KMT2C: variants seen among roughly 807,000 people sequenced by gnomAD.
The protein encoded by KMT2C is histone-lysine N-methyltransferase 2C.
Under a neutral mutation model 507.9 loss-of-function variants are expected in KMT2C, and 88 were observed. That is an observed-to-expected ratio of 0.17 (90% CI 0.15 to 0.21). The LOEUF (loss-of-function observed/expected upper bound fraction) is 0.21, where lower values mean the gene tolerates loss of function less well. Among genes scored for constraint, KMT2C ranks in the 10% least tolerant of loss-of-function variants. The pLI, the probability that KMT2C is intolerant of heterozygous loss-of-function variation, is 1.00. For missense variants in KMT2C, 4,954 were observed against 5,957.8 expected, an observed-to-expected ratio of 0.83 and a Z score of 5.55; for synonymous variants, 2,049 against 2,080.8, an observed-to-expected ratio of 0.98 and a Z score of 0.42.
intron 31 of KMT2C, among the ~76,000 whole-genome samples, chr7:152,193,280 T>G (rs2093860499): frequency 6.6e-6 from 1 of 152,116 alleles, no homozygotes; most frequent in Non-Finnish European, 1.5e-5. Context: ...CCCTATCTAC[T>G]CATACAGACC....
At chr7:152,423,850 AAAAT>A (rs760949672) in intron 1 of KMT2C, among the ~76,000 whole-genome samples, 6 of 152,290 alleles carry the variant, frequency 3.9e-5, no homozygotes, top group East Asian at 1.9e-4. Flanking sequence ...CAAGTCAACA[AAAAT>A]AAATAAATAA....
chr7:152,193,202 A>G (rs1465374043), intron 31 of KMT2C, among the ~76,000 whole-genome samples: 1 of 152,096 alleles, frequency 6.6e-6, no homozygotes. Flanking sequence ...ATATAGATAG[A>G]GTTATATACA....
chr7:152,333,950 ATC>A (rs2096908153), intron 2 of KMT2C, among the ~76,000 whole-genome samples: 1 of 152,242 alleles, frequency 6.6e-6, no homozygotes, highest in Non-Finnish European at 1.5e-5. Flanking sequence ...AGTATCTAGA[ATC>A]AAATCTACAA....
In KMT2C at chr7:152,181,612, T is replaced by A; in HGVS notation, c.6248A>T (p.Asp2083Val). The change falls in exon 36 of 59, where the codon GAT (aspartate) becomes GTT (valine). Residue 2083 changes from aspartate (D) to valine (V), a missense_variant. This residue lies in a region of KMT2C where 1,689 missense variants were observed against 1,654.3 expected (regional missense o/e 1.02). Transcript: ENST00000262189. ...ERPALTPRPI[D>V]NFSHNQSNDP... is the part of the protein sequence containing the mutation. ...ATTTGACTGATTATGAGAAAAATTA[T>A]CTATAGGTCTTGGTGTCAAAGCAGG... 1 of 1,614,044 alleles carries A rather than the reference T, an allele frequency of 6.2e-7. No homozygotes were observed. The highest frequency in any genetic ancestry group is 1.1e-5 in the South Asian group (1 of 91,066).
intron 55 of KMT2C, among the ~76,000 whole-genome samples, chr7:152,142,832 TATAAC>T (rs1383210277): frequency 5.3e-5 from 8 of 152,194 alleles, no homozygotes; most frequent in Non-Finnish European, 8.8e-5. Context: ...GAAAAATAAA[TATAAC>T]ATGATTCCAT....
Position 152,407,919 on chromosome 7 carries a change from TAC to T in KMT2C, c.161+27705_161+27706del, listed in dbSNP as rs541863420. 3.3e-5 allele frequency among the ~76,000 whole-genome samples: 5 copies of T among 152,400 alleles called. No homozygotes were observed. In the South Asian group the frequency reaches 1.0e-3, roughly 32 times the overall value. ...ACATTTAAAATTTATCTTGTTAGAA[TAC>T]ACTGTTTCCAAATCAACAGTCCTTA... On this transcript the variant is annotated intron_variant, in intron 1 of 58. Coordinates refer to ENST00000262189, the MANE Select transcript of KMT2C (RefSeq NM_170606.3).
Position 152,252,700 on chromosome 7 carries a change from T to C in KMT2C, c.1315A>G (p.Ile439Val). The C allele has an allele frequency of 1.2e-6, 2 of 1,601,206 alleles. No individual in the cohort carries two copies. The highest frequency in any genetic ancestry group is 2.2e-5 in the East Asian group (1 of 44,582). Reference protein sequence around the residue: ...GWKCKNCRICIECGTRSSSQW... With the variant: ...GWKCKNCRICVECGTRSSSQW... Reference sequence around the variant, plus strand: ...GAACTAGACCGTGTGCCACACTCTATACATATTCTGCAATTCTAAACACCA... The same window carrying C: ...GAACTAGACCGTGTGCCACACTCTACACATATTCTGCAATTCTAAACACCA... The change falls in exon 10 of 59, where the codon ATA becomes GTA. Residue 439 changes from isoleucine (I) to valine (V), a missense_variant. By Grantham distance (29) the Ile-to-Val change is conservative. Around this residue, in one of 29 missense-constraint regions of KMT2C, gnomAD observed 376 missense variants for 352.4 expected, o/e 1.07. Transcript: ENST00000262189.
chr7:152,428,458 C>CAAAAAAAAAAAAAAAAAAA (rs140697569), intron 1 of KMT2C, among the ~76,000 whole-genome samples: 3 of 73,516 alleles, frequency 4.1e-5, no homozygotes, highest in Non-Finnish European at 5.2e-5. Flanking sequence ...ACTAAAAATA[C>CAAAAAAAAAAAAAAAAAAA]AAAAAAAAAA....
intron 24 of KMT2C, among the ~76,000 whole-genome samples, chr7:152,206,452 T>C (rs371175173): frequency 1.3e-5 from 2 of 152,122 alleles, no homozygotes; most frequent in Non-Finnish European, 2.9e-5. Flanking sequence ...ATTTAAAAGA[T>C]AGGTTATCTT....
At chr7:152,256,057 T>C (rs2095656500) in intron 9 of KMT2C, among the ~76,000 whole-genome samples, 1 of 152,030 alleles carries the variant, frequency 6.6e-6, no homozygotes, top group African/African-American at 2.4e-5. Context: ...TAATCCCAGC[T>C]ACTTGGGGGA....
rs371556828 is a variant in KMT2C, at chr7:152,194,192, G to A, written c.4540+37C>T. On this transcript the variant is annotated intron_variant, in intron 30 of 58. Coordinates refer to ENST00000262189, the MANE Select transcript of KMT2C (RefSeq NM_170606.3). ...CTAGTAGGGTCCTGGTATGGGGAAC[G>A]CCATTTTCATTAACTAGAAAATCAA... The A allele has an allele frequency of 3.9e-5, 60 of 1,552,160 alleles. No homozygotes were observed. In the African/African-American group the frequency reaches 5.5e-4, roughly 14 times the overall value.
rs1199947555 is a variant in KMT2C, at chr7:152,315,233, G to A, written c.495C>T (p.Asn165=). The A allele has an allele frequency of 2.5e-6, 4 of 1,613,912 alleles. No individual in the cohort carries two copies. The highest frequency in any genetic ancestry group is 3.4e-6 in the Non-Finnish European group (4 of 1,179,890). Reference sequence around the variant, plus strand: ...CAATGTCCTTCTTGTTAGAAGGTTGGTTTCTCCATGGCAAGATAAATCCAG... The same window carrying A: ...CAATGTCCTTCTTGTTAGAAGGTTGATTTCTCCATGGCAAGATAAATCCAG... ...ITPGFILPWR[N]QPSNKKDIDD... The change falls in exon 4 of 59, where the codon AAC becomes AAT. Residue 165 remains asparagine (N), a synonymous_variant. Coordinates refer to ENST00000262189, the MANE Select transcript of KMT2C (RefSeq NM_170606.3).
chr7:152,365,897 G>A (rs1416451100), intron 1 of KMT2C, among the ~76,000 whole-genome samples: 1 of 151,936 alleles, frequency 6.6e-6, no homozygotes, highest in Non-Finnish European at 1.5e-5. Context: ...GAGGTGGGAC[G>A]AACACCTGAC....
At chr7:152,362,557 C>T (rs2097205588) in intron 1 of KMT2C, among the ~76,000 whole-genome samples, 1 of 152,144 alleles carries the variant, frequency 6.6e-6, no homozygotes, top group African/African-American at 2.4e-5. Flanking sequence ...TACTTTTCAT[C>T]TTTCTTTTGT....
At chr7:152,322,058 CA>C (rs34263222) in intron 3 of KMT2C, among the ~76,000 whole-genome samples, 216 of 137,800 alleles carry the variant, frequency 1.6e-3, no homozygotes, top group Middle Eastern at 3.6e-3. Context: ...GTACTGGCAC[CA>C]AAAAAAAAAA....
At chr7:152,163,975 C>CA (rs34799025) in intron 42 of KMT2C, 149 bp from the exon 43 acceptor site, 4 of 660,366 alleles carry the variant, frequency 6.1e-6, no homozygotes, top group Non-Finnish European at 7.8e-6. Flanking sequence ...GCAAAAGTCA[C>CA]AAAAAAATTG....
chr7:152,136,848 C>T lies in KMT2C; in HGVS notation c.14720G>A (p.Arg4907Gln), dbSNP rs376468045. 1.2e-6 allele frequency: 2 copies of T among 1,613,354 alleles called. No individual in the cohort carries two copies. Among genetic ancestry groups the T allele is most frequent in the Non-Finnish European group, 8.5e-7 (1 of 1,179,660 alleles). The change falls in exon 59 of 59, where the codon CGG becomes CAG. Residue 4907 changes from arginine (R) to glutamine (Q), a missense_variant. Arg to Gln is a conservative substitution (Grantham distance 43). Around this residue, in one of 29 missense-constraint regions of KMT2C, gnomAD observed 133 missense variants for 258.9 expected, o/e 0.51. Transcript: ENST00000262189. ...GAATGCATTTCAGTTCATCCACTTC[C>T]GGCAGTTCACAGCTCCACAGTGACA... ...IPCHCGAVNC[R>Q]KWMN is the part of the protein sequence containing the mutation.
intron 1 of KMT2C, among the ~76,000 whole-genome samples, chr7:152,401,269 G>A (rs1035103938): frequency 1.3e-5 from 2 of 151,840 alleles, no homozygotes; most frequent in African/African-American, 4.8e-5. Flanking sequence ...TAGTAGAGAC[G>A]GGGTTTCACC....
chr7:152,306,584 G>A (rs2096617383), intron 6 of KMT2C, among the ~76,000 whole-genome samples: 1 of 152,148 alleles, frequency 6.6e-6, no homozygotes, highest in Non-Finnish European at 1.5e-5. Flanking sequence ...ATAACATTAA[G>A]TAATACATAA....
Sources: allele counts gnomAD v4.1 joint callset (sites outside exome capture counted in the v4.1 genomes callset), GRCh38; gene constraint gnomAD v4.1.1; regional missense constraint gnomAD v4.1.1; transcripts MANE v1.5; gene names NCBI Gene and HGNC (gene_info 2026-07-23, HGNC 2026-07-21).